Variants in NTN4 observed in about 807,000 individuals in gnomAD.
NTN4 encodes netrin 4, also known as netrin-4.
NTN4 carries 32 observed loss-of-function variants against 73.6 expected under a neutral mutation model. The ratio of observed to expected loss-of-function variants is 0.44; its 90% CI spans 0.33 to 0.58. The LOEUF (loss-of-function observed/expected upper bound fraction) is 0.58. Among genes scored for constraint, NTN4 ranks in the 20% least tolerant of loss-of-function variants. NTN4 has a pLI of 0.04. For missense variants in NTN4, 654 were observed against 798.3 expected (o/e 0.82, Z 2.18); for synonymous variants, 258 against 287.5 (o/e 0.90, Z 1.04).
At chr12:95,682,928 C>G in intron 6 of NTN4, 106 bp from the exon 7 acceptor site, 1 of 614,836 alleles carries the variant, frequency 1.6e-6, no homozygotes, top group Non-Finnish European at 2.8e-6. Context: ...TCCCATTCTT[C>G]CTTTTTCCAG....
chr12:95,769,751 CTTTTT>C (rs34093723), intron 2 of NTN4, among the ~76,000 whole-genome samples: 36,668 of 116,830 alleles, frequency 0.31, 5,303 homozygotes, highest in South Asian at 0.49. Context: ...AGGTTTCAAT[CTTTTT>C]TTTTTTTTTT....
intron 2 of NTN4, among the ~76,000 whole-genome samples, chr12:95,745,718 A>G (rs1184443728): frequency 6.6e-6 from 1 of 152,148 alleles, no homozygotes; most frequent in Non-Finnish European, 1.5e-5. Flanking sequence ...GCTAGGTATC[A>G]TGAATTTTAC....
At chr12:95,731,193 A>G (rs2078734676) in intron 3 of NTN4, among the ~76,000 whole-genome samples, 1 of 152,196 alleles carries the variant, frequency 6.6e-6, no homozygotes, top group African/African-American at 2.4e-5. Context: ...TAGTTTACCT[A>G]TCCTTGTAAG....
At chr12:95,691,697 T>C (rs912764076) in intron 5 of NTN4, among the ~76,000 whole-genome samples, 2 of 152,164 alleles carry the variant, frequency 1.3e-5, no homozygotes, top group African/African-American at 4.8e-5. Flanking sequence ...GCCCGGCCTG[T>C]CTTCTTGTTA....
intron 2 of NTN4, among the ~76,000 whole-genome samples, chr12:95,752,056 C>T (rs533427423): frequency 1.3e-5 from 2 of 151,772 alleles, no homozygotes; most frequent in Non-Finnish European, 2.9e-5. Flanking sequence ...TGTATCCCCC[C>T]ACCTTAACCC....
chr12:95,708,078 T>C (rs1158728379), intron 5 of NTN4, among the ~76,000 whole-genome samples: 1 of 152,074 alleles, frequency 6.6e-6, no homozygotes, highest in Admixed American at 6.6e-5. Context: ...CACATGGAGA[T>C]TAGGATCTAT....
At chr12:95,693,626 G>A (rs1251265971) in intron 5 of NTN4, among the ~76,000 whole-genome samples, 1 of 151,442 alleles carries the variant, frequency 6.6e-6, no homozygotes, top group Non-Finnish European at 1.5e-5. Context: ...AAATACTCAG[G>A]AGGCTGAGGC....
chr12:95,747,074 T>C (rs910640756), intron 2 of NTN4, among the ~76,000 whole-genome samples: 7 of 152,250 alleles, frequency 4.6e-5, no homozygotes, highest in Admixed American at 1.3e-4. Context: ...TGTACTCAAA[T>C]ATATAGAAAT....
At chr12:95,735,031 C>T (rs1438886810) in intron 3 of NTN4, among the ~76,000 whole-genome samples, 1 of 152,120 alleles carries the variant, frequency 6.6e-6, no homozygotes. Flanking sequence ...AAGAGCGAAA[C>T]TCCATCTCAA....
Position 95,672,958 on chromosome 12 carries a change from A to G in NTN4, c.1511-2812T>C, listed in dbSNP as rs544050782. 9.7e-6 allele frequency: 11 copies of G among 1,130,404 alleles called. No homozygotes were observed. The Admixed American group carries it at 1.0e-4, about 10-fold the overall frequency. The allele number at this position is 1,130,404 out of a possible 1,614,324, so 70.0% of individuals were successfully genotyped here. On this transcript the variant is annotated intron_variant, in intron 7 of 9. Transcript: ENST00000343702. ...GCTGACTGGTATTCCCATTGTCTGT[A>G]AATTGGACAAGAGCTCGAAGCCCAT...
intron 5 of NTN4, among the ~76,000 whole-genome samples, chr12:95,697,873 T>C (rs1223377800): frequency 6.6e-6 from 1 of 152,170 alleles, no homozygotes; most frequent in Non-Finnish European, 1.5e-5. Context: ...CAGTCATCCC[T>C]CAACATCCGT....
chr12:95,697,962 C>A (rs1427690950), intron 5 of NTN4, among the ~76,000 whole-genome samples: 1 of 152,168 alleles, frequency 6.6e-6, no homozygotes, highest in Non-Finnish European at 1.5e-5. Context: ...AGCAATACAA[C>A]AATACAACTA....
At chr12:95,786,909 T>A in intron 2 of NTN4, 30 bp downstream of exon 2, 1 of 1,584,206 alleles carries the variant, frequency 6.3e-7, no homozygotes, top group South Asian at 1.1e-5. Context: ...CTATCTTACT[T>A]ACAGTGTAGA....
chr12:95,778,893 G>A (rs1238678241), intron 2 of NTN4, among the ~76,000 whole-genome samples: 3 of 152,054 alleles, frequency 2.0e-5, no homozygotes, highest in Admixed American at 1.3e-4. Context: ...GATGAACATC[G>A]ATGCAAAAAT....
At chr12:95,768,265 G>A (rs532405123) in intron 2 of NTN4, among the ~76,000 whole-genome samples, 13 of 152,252 alleles carry the variant, frequency 8.5e-5, no homozygotes, top group African/African-American at 1.2e-4. Flanking sequence ...TGTGATGTAC[G>A]TGTACACTGC....
chr12:95,710,677 T>C (rs369018705), intron 4 of NTN4, 48 bp from the exon 5 acceptor site: 177 of 1,556,670 alleles, frequency 1.1e-4, no homozygotes, highest in Non-Finnish European at 8.0e-5. Flanking sequence ...AAAAATAAAA[T>C]GATGGGTTAT....
At chr12:95,677,043 T>C (rs2078278904) in intron 7 of NTN4, among the ~76,000 whole-genome samples, 1 of 152,136 alleles carries the variant, frequency 6.6e-6, no homozygotes, top group Non-Finnish European at 1.5e-5. Context: ...TAGACCATCT[T>C]GGCTGACACT....
chr12:95,667,802 G>A (rs1377148112), intron 8 of NTN4, among the ~76,000 whole-genome samples: 1 of 152,024 alleles, frequency 6.6e-6, no homozygotes, highest in African/African-American at 2.4e-5. Context: ...AGAGGTTGCA[G>A]TGAGTCCAGA....
intron 3 of NTN4, among the ~76,000 whole-genome samples, chr12:95,723,334 C>T (rs12371383): frequency 0.36 from 53,830 of 151,564 alleles, 11,273 homozygotes; most frequent in Non-Finnish European, 0.47. Context: ...AGCACACCCT[C>T]GCTAGGTTTT....
Sources: allele counts gnomAD v4.1 joint callset (sites outside exome capture counted in the v4.1 genomes callset), GRCh38; gene constraint gnomAD v4.1.1; transcripts MANE v1.5; gene names NCBI Gene and HGNC (gene_info 2026-07-23, HGNC 2026-07-21).